The following CCNY variants were observed in gnomAD, a reference collection of about 807,000 sequenced individuals.
CCNY encodes the protein cyclin Y, also known as cyclin-Y.
In CCNY, 19 loss-of-function variants were observed where a neutral mutation model predicts 42.8. That is an observed-to-expected ratio of 0.44 (90% CI 0.31 to 0.65). The LOEUF (loss-of-function observed/expected upper bound fraction) is 0.65, where lower values mean the gene tolerates loss of function less well. Among genes scored for constraint, CCNY ranks in the 30% least tolerant of loss-of-function variants. The pLI is 0.07. For missense variants in CCNY, 370 were observed against 437.3 expected (o/e 0.85, Z 1.37); for synonymous variants, 165 against 162.7 (o/e 1.01, Z -0.11).
At chr10:35,428,911 T>C (rs566379954) in intron 1 of CCNY, among the ~76,000 whole-genome samples, 3 of 152,346 alleles carry the variant, frequency 2.0e-5, no homozygotes, top group Admixed American at 1.3e-4. Context: ...GCAGCAAGCC[T>C]TTGGGCCCCT....
chr10:35,422,097 G>T (rs1838170593), intron 1 of CCNY, among the ~76,000 whole-genome samples: 2 of 151,896 alleles, frequency 1.3e-5, no homozygotes, highest in African/African-American at 4.8e-5. Flanking sequence ...ACATTTTTTT[G>T]ACTTATTTTG....
At chr10:35,296,406 C>G (rs544314855) in intron 3 of CCNY, among the ~76,000 whole-genome samples, 2 of 152,108 alleles carry the variant, frequency 1.3e-5, no homozygotes, top group African/African-American at 4.8e-5. Context: ...ATGGAGAAAC[C>G]CCATGTCGAC....
At chr10:35,516,657 CT>C (rs780270972) in intron 4 of CCNY, 34 bp downstream of exon 4, 2 of 808,692 alleles carry the variant, frequency 2.5e-6, no homozygotes, top group South Asian at 2.0e-5. Flanking sequence ...TCCTTCCTTC[CT>C]TCCTTTTTTT....
At chr10:35,525,900 C>A in intron 4 of CCNY, 64 bp from the exon 5 acceptor site, 1 of 1,383,544 alleles carries the variant, frequency 7.2e-7, no homozygotes, top group Non-Finnish European at 1.0e-6. Context: ...AGACTGTGGC[C>A]AGGTAATGTG....
At position 35,530,475 on chromosome 10, in the gene CCNY, G is replaced by A. The variant is rs139597023; in HGVS notation, c.579+232G>A. Among the ~76,000 whole-genome samples, 8 of 152,350 alleles carry A rather than the reference G, an allele frequency of 5.3e-5. No homozygotes were observed. The highest frequency in any genetic ancestry group is 1.9e-4 in the East Asian group (1 of 5,184). ...CACCTAAAGTCATTTGTGAAATCAC[G>A]TTCAAATCCAGGAAATGCTGAAATT... On this transcript the variant is annotated intron_variant, in intron 7 of 9. Transcript: ENST00000374704. The surrounding 1 kb of genome is among the most constrained non-coding windows in gnomAD (Gnocchi z 4.3).
intron 1 of CCNY, among the ~76,000 whole-genome samples, chr10:35,441,630 C>T (rs1428628092): frequency 6.6e-6 from 1 of 152,090 alleles, no homozygotes; most frequent in Non-Finnish European, 1.5e-5. Context: ...TGCCTGTAGT[C>T]CTAGCTACTT....
chr10:35,262,539 T>C (rs1245347087), intron 3 of CCNY, among the ~76,000 whole-genome samples: 5 of 151,850 alleles, frequency 3.3e-5, no homozygotes, highest in Admixed American at 6.6e-5. Context: ...GTTTATGTTT[T>C]TTAATAGAGA....
chr10:35,248,379 C>T (rs769197859), intron 2 of CCNY, among the ~76,000 whole-genome samples: 3 of 152,164 alleles, frequency 2.0e-5, no homozygotes, highest in African/African-American at 7.2e-5. Flanking sequence ...CGCGGTGGCT[C>T]ACGCCTGTAA....
At chr10:35,322,486 A>G (rs375667340) in intron 3 of CCNY, among the ~76,000 whole-genome samples, 11 of 152,364 alleles carry the variant, frequency 7.2e-5, no homozygotes, top group South Asian at 4.1e-4. Flanking sequence ...GACAAGAGCT[A>G]TAAAAGAAGA....
chr10:35,443,961 A>G (rs1838731416), intron 1 of CCNY, among the ~76,000 whole-genome samples: 1 of 148,218 alleles, frequency 6.7e-6, no homozygotes, highest in South Asian at 2.1e-4. Context: ...GGACACAGCC[A>G]TAGGGTGGAC....
intron 7 of CCNY, among the ~76,000 whole-genome samples, chr10:35,545,328 C>T (rs1253436981): frequency 1.3e-5 from 2 of 152,208 alleles, no homozygotes; most frequent in African/African-American, 4.8e-5. Context: ...GTGGCTTCAA[C>T]ACCAGAACTT....
intron 1 of CCNY, among the ~76,000 whole-genome samples, chr10:35,462,072 A>T (rs1839168869): frequency 6.6e-6 from 1 of 152,182 alleles, no homozygotes; most frequent in African/African-American, 2.4e-5. Flanking sequence ...TTTGATCCTA[A>T]CTCTAGAAAA....
chr10:35,294,229 C>T (rs2135066314), intron 3 of CCNY, among the ~76,000 whole-genome samples: 1 of 152,192 alleles, frequency 6.6e-6, no homozygotes, highest in African/African-American at 2.4e-5. Flanking sequence ...AATTTTATTT[C>T]TTCCTTTCCA....
At chr10:35,317,260 G>C (rs1241817730) in intron 3 of CCNY, among the ~76,000 whole-genome samples, 1 of 152,176 alleles carries the variant, frequency 6.6e-6, no homozygotes, top group African/African-American at 2.4e-5. Context: ...CAATGTGTTA[G>C]GATTACAGGC....
intron 5 of CCNY, among the ~76,000 whole-genome samples, chr10:35,527,273 C>T (rs1840671373): frequency 6.6e-6 from 1 of 151,880 alleles, no homozygotes; most frequent in South Asian, 2.1e-4. Context: ...TATTTCTATA[C>T]TAGTTCAAAC....
intron 1 of CCNY, among the ~76,000 whole-genome samples, chr10:35,388,202 A>T (rs922498395): frequency 1.3e-5 from 2 of 152,178 alleles, no homozygotes; most frequent in Non-Finnish European, 2.9e-5. Context: ...GTTGTGCTCC[A>T]TTTGTATTTG....
At chr10:35,548,454 T>C (rs1038846314) in intron 7 of CCNY, among the ~76,000 whole-genome samples, 3 of 151,846 alleles carry the variant, frequency 2.0e-5, no homozygotes, top group Non-Finnish European at 2.9e-5. Context: ...GCGTACACCA[T>C]GCCCAGCTAA....
chr10:35,303,999 A>G (rs1272588546), intron 3 of CCNY, among the ~76,000 whole-genome samples: 2 of 152,148 alleles, frequency 1.3e-5, no homozygotes, highest in Admixed American at 6.5e-5. Flanking sequence ...AATTAGAGCT[A>G]ATTAGGAAGA....
At chr10:35,463,848 G>T (rs147079719) in intron 1 of CCNY, among the ~76,000 whole-genome samples, 1 of 152,290 alleles carries the variant, frequency 6.6e-6, no homozygotes, top group African/African-American at 2.4e-5. Flanking sequence ...CTGGATTTGG[G>T]AAGTAAGTTT....
Sources: allele counts gnomAD v4.1 joint callset (sites outside exome capture counted in the v4.1 genomes callset), GRCh38; gene constraint gnomAD v4.1.1; non-coding constraint Gnocchi (gnomAD v3.1); transcripts MANE v1.5; gene names NCBI Gene and HGNC (gene_info 2026-07-23, HGNC 2026-07-21).